The following BANK1 variants were observed in gnomAD, a reference collection of about 807,000 sequenced individuals.
BANK1 encodes B-cell scaffold protein with ankyrin repeats.
In BANK1, 95 loss-of-function variants were observed where a neutral mutation model predicts 94.5. The ratio of observed to expected loss-of-function variants is 1.00; its 90% CI spans 0.85 to 1.19. BANK1 has a LOEUF of 1.19. Ranked by LOEUF, BANK1 falls within the 50% of genes most tolerant of loss-of-function variation. BANK1 has a pLI of 0.00. For synonymous variants in BANK1, 334 were observed against 308.4 expected (o/e 1.08, Z -0.87); for missense variants, 987 against 932.2 (o/e 1.06, Z -0.77).
intron 6 of BANK1, among the ~76,000 whole-genome samples, chr4:101,912,923 A>C (rs1722712529): frequency 6.6e-6 from 1 of 152,204 alleles, no homozygotes; most frequent in Admixed American, 6.5e-5. Flanking sequence ...AAAATGCTGA[A>C]ATAGTCCTTA....
chr4:101,919,996 T>A (rs955146114), intron 7 of BANK1, among the ~76,000 whole-genome samples: 5 of 152,014 alleles, frequency 3.3e-5, no homozygotes, highest in Non-Finnish European at 7.4e-5. Flanking sequence ...TTCTTCTAAT[T>A]ATCAATTTTA....
chr4:101,977,019 C>A (rs1725157292), intron 7 of BANK1: 1 of 152,034 alleles, frequency 6.6e-6, no homozygotes, highest in Non-Finnish European at 1.5e-5. Flanking sequence ...TTTTGTGCAT[C>A]TAATTAAGTC....
At chr4:101,855,383 T>G (rs1466964985) in intron 3 of BANK1, among the ~76,000 whole-genome samples, 194 bp downstream of exon 3, 3 of 152,150 alleles carry the variant, frequency 2.0e-5, no homozygotes, top group African/African-American at 7.2e-5. Context: ...CCAGCCCACC[T>G]GTTATTTTTT....
intron 6 of BANK1, among the ~76,000 whole-genome samples, chr4:101,912,000 T>C (rs949556979): frequency 2.6e-5 from 4 of 152,134 alleles, no homozygotes; most frequent in African/African-American, 9.7e-5. Flanking sequence ...TATCCATTCA[T>C]TTTAATTAGG....
intron 5 of BANK1, among the ~76,000 whole-genome samples, chr4:101,884,281 G>A (rs149622355): frequency 5.9e-5 from 9 of 152,206 alleles, no homozygotes; most frequent in Admixed American, 2.6e-4. Flanking sequence ...TCCAATGGAC[G>A]TTTTTTGTGT....
intron 7 of BANK1, among the ~76,000 whole-genome samples, chr4:101,948,031 A>G (rs1723995489): frequency 6.6e-6 from 1 of 152,106 alleles, no homozygotes; most frequent in South Asian, 2.1e-4. Flanking sequence ...AATAATCACA[A>G]CTATTGTAAT....
chr4:102,072,590 G>C (rs949822399), intron 15 of BANK1, among the ~76,000 whole-genome samples, 190 bp downstream of exon 15: 3 of 152,076 alleles, frequency 2.0e-5, no homozygotes, highest in Non-Finnish European at 2.9e-5. Flanking sequence ...AAAAAACAAA[G>C]AGGGAACTCA....
chr4:101,881,383 C>T (rs900317105), intron 5 of BANK1, among the ~76,000 whole-genome samples: 20 of 152,114 alleles, frequency 1.3e-4, no homozygotes, highest in African/African-American at 4.8e-4. Context: ...CATGAGATAT[C>T]ATCTCACCCC....
intron 7 of BANK1, among the ~76,000 whole-genome samples, chr4:101,963,253 T>C (rs893779039): frequency 1.3e-5 from 2 of 152,112 alleles, no homozygotes; most frequent in Non-Finnish European, 2.9e-5. Context: ...CCAATAAAAG[T>C]TGGGCATTTC....
chr4:101,932,133 A>T (rs1723371689), intron 7 of BANK1, among the ~76,000 whole-genome samples: 1 of 151,504 alleles, frequency 6.6e-6, no homozygotes, highest in African/African-American at 2.4e-5. Context: ...AATGCCTTGC[A>T]ATGTGGAGGA....
intron 7 of BANK1, among the ~76,000 whole-genome samples, chr4:101,948,257 A>G (rs1157037939): frequency 6.6e-6 from 1 of 152,074 alleles, no homozygotes; most frequent in Non-Finnish European, 1.5e-5. Flanking sequence ...CCAGACTGAC[A>G]CTCAAGGCTA....
At chr4:101,838,952 A>G (rs571175668) in intron 2 of BANK1, among the ~76,000 whole-genome samples, 1 of 152,370 alleles carries the variant, frequency 6.6e-6, no homozygotes, top group African/African-American at 2.4e-5. Context: ...AAGATGATGT[A>G]TCTGACACTG....
intron 3 of BANK1, among the ~76,000 whole-genome samples, chr4:101,855,547 T>C (rs1165800946): frequency 6.6e-6 from 1 of 152,200 alleles, no homozygotes; most frequent in Non-Finnish European, 1.5e-5. Flanking sequence ...TACATAATTG[T>C]TGAAAAATTA....
At chr4:101,930,788 G>A (rs1268067487) in intron 7 of BANK1, among the ~76,000 whole-genome samples, 5 of 151,430 alleles carry the variant, frequency 3.3e-5, no homozygotes, top group Non-Finnish European at 7.4e-5. Context: ...AGCTCTACAT[G>A]CTTTAACATG....
chr4:102,027,495 G>T (rs894586572), intron 9 of BANK1, among the ~76,000 whole-genome samples: 1 of 152,008 alleles, frequency 6.6e-6, no homozygotes, highest in Non-Finnish European at 1.5e-5. Flanking sequence ...ATTAGAAATG[G>T]ATAATAAAAT....
At chr4:101,927,175 C>T (rs552140323) in intron 7 of BANK1, among the ~76,000 whole-genome samples, 4 of 151,674 alleles carry the variant, frequency 2.6e-5, no homozygotes, top group South Asian at 4.2e-4. Context: ...ACAATCATGG[C>T]GGAAGGGGAA....
chr4:101,956,213 T>G (rs891809443), intron 7 of BANK1, among the ~76,000 whole-genome samples: 1 of 152,156 alleles, frequency 6.6e-6, no homozygotes, highest in African/African-American at 2.4e-5. Flanking sequence ...CTGGATTGTT[T>G]GAGCAAAGGC....
Position 101,873,034 on chromosome 4 carries a change from C to A in BANK1, c.903+2390C>A, listed in dbSNP as rs547251478. Among the ~76,000 whole-genome samples the A allele has an allele frequency of 1.9e-3, 291 of 151,038 alleles. 1 individual carries two copies. Among genetic ancestry groups the A allele is most frequent in the African/African-American group, 3.6e-3 (147 of 41,190 alleles). On this transcript the variant is annotated intron_variant, in intron 5 of 16. Coordinates refer to ENST00000322953, the MANE Select transcript of BANK1 (RefSeq NM_017935.5). ...AAAGAAAAGTAAAAAGAAAAAAAAA[C>A]CCAGCATTTTGTGGAAAGCTGTACA...
chr4:102,070,794 G>T (rs1728731508), intron 13 of BANK1, among the ~76,000 whole-genome samples: 1 of 152,164 alleles, frequency 6.6e-6, no homozygotes. Flanking sequence ...TTTGAGTGAA[G>T]GTTGACATAA....
Sources: allele counts gnomAD v4.1 joint callset (sites outside exome capture counted in the v4.1 genomes callset), GRCh38; gene constraint gnomAD v4.1.1; transcripts MANE v1.5; gene names NCBI Gene and HGNC (gene_info 2026-07-23, HGNC 2026-07-21).